CYRIB: variants seen among roughly 807,000 people sequenced by gnomAD.
CYRIB encodes the protein CYFIP-related Rac1 interactor B.
In CYRIB, 8 loss-of-function variants were observed where a neutral mutation model predicts 44.2. The ratio of observed to expected loss-of-function variants is 0.18; its 90% CI spans 0.11 to 0.33. CYRIB has a LOEUF of 0.33. CYRIB is among the 10% of genes least tolerant of loss of function. The probability of loss-of-function intolerance (pLI) is 1.00; values close to 1 mark genes in which losing one functional copy is unlikely to be tolerated. For missense variants in CYRIB, 185 were observed against 382.8 expected (o/e 0.48, Z 4.31); for synonymous variants, 131 against 127.2 (o/e 1.03, Z -0.20).
chr8:130,015,749 G>A (rs539458813), intron 1 of CYRIB, among the ~76,000 whole-genome samples: 6 of 152,308 alleles, frequency 3.9e-5, no homozygotes, highest in African/African-American at 1.4e-4. Flanking sequence ...GCACCCACCC[G>A]CTAACACTGA....
chr8:129,935,858 T>C (rs949748372), intron 1 of CYRIB, among the ~76,000 whole-genome samples: 1 of 152,228 alleles, frequency 6.6e-6, no homozygotes, highest in Non-Finnish European at 1.5e-5. Context: ...TTGAAAGTAG[T>C]CATTCTGACC....
chr8:129,968,548 C>A (rs574162056), intron 2 of CYRIB, among the ~76,000 whole-genome samples: 1 of 152,236 alleles, frequency 6.6e-6, no homozygotes, highest in Admixed American at 6.5e-5. Flanking sequence ...AACTCGTCTT[C>A]AGAGGTCATT....
chr8:129,922,815 A>T (rs2084512933), intron 1 of CYRIB, among the ~76,000 whole-genome samples: 1 of 151,516 alleles, frequency 6.6e-6, no homozygotes, highest in Non-Finnish European at 1.5e-5. Flanking sequence ...GTGAGCCGAG[A>T]TCGCACCACT....
intron 10 of CYRIB, among the ~76,000 whole-genome samples, chr8:129,848,735 ATT>A (rs1191521309): frequency 1.2e-4 from 17 of 141,242 alleles, no homozygotes; most frequent in Admixed American, 1.4e-4. Context: ...CACCTGGCTA[ATT>A]TTTTTTTTTT....
intron 1 of CYRIB, among the ~76,000 whole-genome samples, chr8:129,976,823 TG>T (rs551897853): frequency 9.9e-5 from 15 of 152,052 alleles, no homozygotes; most frequent in East Asian, 1.9e-4. Context: ...TATGTGTTGT[TG>T]TTTTTTTTTG....
chr8:129,883,116 A>AAAAAAAAAAAAAAAAC (rs2061421918), intron 2 of CYRIB, among the ~76,000 whole-genome samples: 1 of 133,502 alleles, frequency 7.5e-6, no homozygotes, highest in African/African-American at 3.3e-5. Context: ...CCCTCTCAAA[A>AAAAAAAAAAAAAAAAC]AAAAAAAAAA....
At chr8:129,840,257 T>C (rs904605247) in exon 12 of CYRIB, 1 of 152,592 alleles carries the variant, frequency 6.6e-6, no homozygotes, top group African/African-American at 2.4e-5. Flanking sequence ...ATCTGTGACA[T>C]GCCTGTTTTC....
At chr8:129,935,561 C>T (rs1590382846) in intron 1 of CYRIB, among the ~76,000 whole-genome samples, 1 of 152,344 alleles carries the variant, frequency 6.6e-6, no homozygotes, top group East Asian at 1.9e-4. Context: ...GTGGTGCAGT[C>T]CAGTTCCAAA....
At position 129,974,076 on chromosome 8, in the gene CYRIB, A is replaced by C. The variant is rs564683403; in HGVS notation, c.-295-3081T>G. On this transcript the variant is annotated intron_variant, in intron 1 of 14. Coordinates refer to the CYRIB transcript ENST00000401979. The stretch of plus-strand genomic sequence containing the variant: ...AATGAGCACTGCCCAGAACCCACCC[A>C]CAGGGCAGCCTGTCTGAGGCCAAGG... Among the ~76,000 whole-genome samples, 126 of 152,162 alleles carry C rather than the reference A, an allele frequency of 8.3e-4. 1 individual carries two copies. Among genetic ancestry groups the C allele is most frequent in the African/African-American group, 2.7e-3 (114 of 41,510 alleles).
intron 1 of CYRIB, among the ~76,000 whole-genome samples, chr8:130,011,003 T>C (rs1286593043): frequency 6.6e-6 from 1 of 152,100 alleles, no homozygotes; most frequent in African/African-American, 2.4e-5. Flanking sequence ...AACTCCTCCC[T>C]CCCTTGCTTC....
rs35897320 is a variant in CYRIB, at chr8:129,991,943, CAAAAAAAAAAAAAA to C, written c.-295-20962_-295-20949del. 3.1e-3 allele frequency among the ~76,000 whole-genome samples: 59 copies of C among 19,208 alleles called. 1 individual carries two copies. The highest frequency in any genetic ancestry group is 0.011 in the African/African-American group (57 of 5,390). The allele number at this position is 19,208 out of a possible 152,430, so 12.6% of individuals were successfully genotyped here. On this transcript the variant is annotated intron_variant, in intron 1 of 14. Coordinates refer to the CYRIB transcript ENST00000401979. ...TCCAGCCTGGGCAACAGCAGAGTCG[CAAAAAAAAAAAAAA>C]AAAAAAAAAAAAAAACAATAGGAAG... is the stretch of plus-strand genomic sequence containing the variant.
At chr8:129,891,743 T>C (rs760332945) in intron 2 of CYRIB, among the ~76,000 whole-genome samples, 1 of 152,242 alleles carries the variant, frequency 6.6e-6, no homozygotes, top group Non-Finnish European at 1.5e-5. Flanking sequence ...GTCAGTTTAC[T>C]TGTTAGACTA....
intron 4 of CYRIB, among the ~76,000 whole-genome samples, chr8:129,868,382 T>C (rs1214764926): frequency 6.6e-6 from 1 of 152,224 alleles, no homozygotes; most frequent in Non-Finnish European, 1.5e-5. Flanking sequence ...TACTTATCAA[T>C]GTTTAACAAT....
chr8:129,856,648 C>T (rs2046340318), intron 5 of CYRIB, among the ~76,000 whole-genome samples: 1 of 152,030 alleles, frequency 6.6e-6, no homozygotes, highest in Non-Finnish European at 1.5e-5. Flanking sequence ...GTCATCAGCC[C>T]GTAACTTTAA....
chr8:129,860,462 G>A (rs190188310), intron 5 of CYRIB, among the ~76,000 whole-genome samples: 16 of 152,178 alleles, frequency 1.1e-4, no homozygotes, highest in Non-Finnish European at 1.8e-4. Flanking sequence ...TTGATTGAAA[G>A]ACAAATACTG....
intron 2 of CYRIB, among the ~76,000 whole-genome samples, chr8:129,958,758 T>C (rs2095036786): frequency 6.9e-6 from 1 of 144,548 alleles, no homozygotes; most frequent in African/African-American, 2.6e-5. Context: ...CATCTACCAC[T>C]GGTTTAAAAA....
At chr8:129,863,960 T>C (rs1415684331) in intron 4 of CYRIB, among the ~76,000 whole-genome samples, 9 of 152,180 alleles carry the variant, frequency 5.9e-5, no homozygotes, top group Non-Finnish European at 1.5e-5. Context: ...TTATATGACA[T>C]GTCTCAATAC....
At chr8:129,952,519 C>T (rs970422925) in intron 2 of CYRIB, among the ~76,000 whole-genome samples, 1 of 151,966 alleles carries the variant, frequency 6.6e-6, no homozygotes, top group African/African-American at 2.4e-5. Context: ...GAAGGTAAAA[C>T]TCAATGATAA....
chr8:130,009,241 T>C (rs2097169055), intron 1 of CYRIB, among the ~76,000 whole-genome samples: 1 of 151,704 alleles, frequency 6.6e-6, no homozygotes, highest in African/African-American at 2.4e-5. Context: ...TCATTTTTCA[T>C]AAAGCCATCT....
Sources: allele counts gnomAD v4.1 joint callset (sites outside exome capture counted in the v4.1 genomes callset), GRCh38; gene constraint gnomAD v4.1.1; transcripts MANE v1.5; gene names NCBI Gene and HGNC (gene_info 2026-07-23, HGNC 2026-07-21).